The following KHDRBS2 variants were observed in gnomAD, a reference collection of about 807,000 sequenced individuals.
KHDRBS2 encodes KH RNA binding domain containing, signal transduction associated 2.
A neutral mutation model predicts 44.3 loss-of-function variants in KHDRBS2; 26 were observed. The ratio of observed to expected loss-of-function variants is 0.59; its 90% CI spans 0.43 to 0.81. The LOEUF is 0.81. Among genes scored for constraint, KHDRBS2 ranks in the 40% least tolerant of loss-of-function variants. KHDRBS2 has a pLI of 0.00. For synonymous variants in KHDRBS2, 194 were observed against 151.1 expected (o/e 1.28, Z -2.08); for missense variants, 476 against 433.1 (o/e 1.10, Z -0.88).
At chr6:61,545,942 T>A in the KHDRBS2 span, among the ~76,000 whole-genome samples, 1 of 152,088 alleles carries the variant, frequency 6.6e-6, no homozygotes, top group Non-Finnish European at 1.5e-5. Context: ...GCATCGCTAT[T>A]CCCTGATTTT....
chr6:62,164,016 G>T (rs550153748), intron 2 of KHDRBS2, among the ~76,000 whole-genome samples: 7 of 151,990 alleles, frequency 4.6e-5, no homozygotes, highest in African/African-American at 1.4e-4. Context: ...TCATAAACCA[G>T]AAATAAAACG....
chr6:61,658,378 T>C, the KHDRBS2 span, among the ~76,000 whole-genome samples: 1 of 151,888 alleles, frequency 6.6e-6, no homozygotes, highest in Non-Finnish European at 1.5e-5. Flanking sequence ...TATTTTGGGC[T>C]AAATAAGAAA....
At chr6:62,259,045 C>G (rs1342280949) in intron 1 of KHDRBS2, among the ~76,000 whole-genome samples, 1 of 151,978 alleles carries the variant, frequency 6.6e-6, no homozygotes, top group Non-Finnish European at 1.5e-5. Flanking sequence ...CAGTCTTGTG[C>G]TCTAATAGAT....
At chr6:62,243,237 T>G (rs1481559965) in intron 1 of KHDRBS2, among the ~76,000 whole-genome samples, 1 of 152,126 alleles carries the variant, frequency 6.6e-6, no homozygotes, top group Non-Finnish European at 1.5e-5. Context: ...TATGGGAATA[T>G]TTGTTGTGAA....
the KHDRBS2 span, among the ~76,000 whole-genome samples, chr6:61,644,648 A>G: frequency 6.6e-6 from 1 of 152,218 alleles, no homozygotes; most frequent in East Asian, 1.9e-4. Context: ...TAGGCAAAAG[A>G]CATGAACAGA....
chr6:61,981,215 A>C (rs1773774972), intron 3 of KHDRBS2, among the ~76,000 whole-genome samples: 1 of 152,238 alleles, frequency 6.6e-6, no homozygotes, highest in South Asian at 2.1e-4. Context: ...TTCAAATGAC[A>C]AAATGTATAT....
intron 6 of KHDRBS2, among the ~76,000 whole-genome samples, chr6:61,852,086 G>T (rs1439674546): frequency 3.3e-5 from 5 of 151,992 alleles, no homozygotes; most frequent in Non-Finnish European, 7.4e-5. Flanking sequence ...GCTGAGCATA[G>T]TAGTGGATGC....
intron 6 of KHDRBS2, among the ~76,000 whole-genome samples, chr6:61,792,235 C>A (rs1025717746): frequency 6.6e-6 from 1 of 151,418 alleles, no homozygotes; most frequent in Non-Finnish European, 1.5e-5. Context: ...CGCTCCTAAC[C>A]TTTGATGCAT....
At chr6:61,729,362 C>T (rs1774076628) in intron 7 of KHDRBS2, among the ~76,000 whole-genome samples, 1 of 152,078 alleles carries the variant, frequency 6.6e-6, no homozygotes, top group African/African-American at 2.4e-5. Flanking sequence ...GGAAAAAGAA[C>T]TGATGGTACG....
chr6:62,123,663 G>A (rs1277616777), intron 2 of KHDRBS2, among the ~76,000 whole-genome samples: 1 of 152,090 alleles, frequency 6.6e-6, no homozygotes, highest in African/African-American at 2.4e-5. Context: ...TCAAAGTTGT[G>A]TTTAATTTTT....
At chr6:61,877,432 GT>G (rs140590888) in intron 6 of KHDRBS2, among the ~76,000 whole-genome samples, 4,763 of 147,902 alleles carry the variant, frequency 0.032, 263 homozygotes, top group African/African-American at 0.11. Flanking sequence ...TAATCAGAAA[GT>G]TTTTTTTTTG....
chr6:61,927,503 A>T (rs1409329880), intron 4 of KHDRBS2, among the ~76,000 whole-genome samples: 1 of 152,138 alleles, frequency 6.6e-6, no homozygotes, highest in African/African-American at 2.4e-5. Flanking sequence ...GAAACCTTTT[A>T]CGTAGTCTCC....
intron 1 of KHDRBS2, among the ~76,000 whole-genome samples, chr6:62,230,166 A>G (rs1224106140): frequency 6.6e-6 from 1 of 152,016 alleles, no homozygotes; most frequent in East Asian, 1.9e-4. Flanking sequence ...ATGTATTTCA[A>G]CTCCTTTTCT....
At chr6:61,574,413 C>G in the KHDRBS2 span, 59 of 1,518,014 alleles carry the variant, frequency 3.9e-5, no homozygotes, top group African/African-American at 7.4e-4. Flanking sequence ...TACAACAAGA[C>G]GAGAAGACCA....
chr6:61,890,824 A>G (rs6912551), intron 6 of KHDRBS2, among the ~76,000 whole-genome samples: 62,070 of 151,974 alleles, frequency 0.41, 12,869 homozygotes, highest in Admixed American at 0.49. Flanking sequence ...AGAGTAGAAT[A>G]TGATTTCTGT....
At chr6:62,253,719 GCCTGTGTC>G (rs1286674859) in intron 1 of KHDRBS2, among the ~76,000 whole-genome samples, 1 of 151,908 alleles carries the variant, frequency 6.6e-6, no homozygotes, top group Non-Finnish European at 1.5e-5. Flanking sequence ...TACAATAACA[GCCTGTGTC>G]CCTGGAGTCC....
intron 6 of KHDRBS2, among the ~76,000 whole-genome samples, chr6:61,833,299 C>T (rs886353840): frequency 4.6e-5 from 7 of 152,152 alleles, no homozygotes; most frequent in African/African-American, 1.7e-4. Flanking sequence ...ACATTTTTCA[C>T]ATTACCTATA....
intron 8 of KHDRBS2, among the ~76,000 whole-genome samples, chr6:61,684,880 C>T (rs1236191303): frequency 6.6e-6 from 1 of 151,180 alleles, no homozygotes; most frequent in South Asian, 2.1e-4. Flanking sequence ...TTTAAAGTAT[C>T]ATATATTATA....
At position 61,712,754 on chromosome 6, in the gene KHDRBS2, T is replaced by C. The variant is rs1334366023; in HGVS notation, c.894-15501A>G. 3.9e-5 allele frequency among the ~76,000 whole-genome samples: 6 copies of C among 151,962 alleles called. No homozygotes were observed. In the South Asian group the frequency reaches 1.2e-3, roughly 32 times the overall value. On this transcript the variant is annotated intron_variant, in intron 7 of 8. Coordinates refer to ENST00000281156, the MANE Select transcript of KHDRBS2 (RefSeq NM_152688.4). Reference sequence around the variant, plus strand: ...TCTGGCACATAGCAAATGCTTAGTATTGTAGCTATTATTATTAGTAGTAGT... The same window carrying C: ...TCTGGCACATAGCAAATGCTTAGTACTGTAGCTATTATTATTAGTAGTAGT...
Sources: gnomAD v4.1 joint callset for allele counts (sites outside exome capture counted in the v4.1 genomes callset) on GRCh38, gnomAD v4.1.1 for gene constraint, MANE v1.5 for transcripts, NCBI Gene and HGNC (gene_info 2026-07-23, HGNC 2026-07-21) for gene names.